The following EHBP1 variants were observed in gnomAD, a reference collection of about 807,000 sequenced individuals.
EHBP1 encodes EH domain-binding protein 1.
In EHBP1, 55 loss-of-function variants were observed where a neutral mutation model predicts 144.0. The ratio of observed to expected loss-of-function variants is 0.38; its 90% CI spans 0.31 to 0.48. EHBP1 has a LOEUF of 0.48. Ranked by LOEUF, EHBP1 falls within the 20% of genes least tolerant of loss-of-function variation. EHBP1 has a pLI of 0.98. For missense variants in EHBP1, 1,200 were observed against 1,364.2 expected, an observed-to-expected ratio of 0.88 and a Z score of 1.90; for synonymous variants, 469 against 472.7, an observed-to-expected ratio of 0.99 and a Z score of 0.10.
intron 14 of EHBP1, among the ~76,000 whole-genome samples, chr2:62,962,784 G>A (rs1378796896): frequency 6.6e-6 from 1 of 152,192 alleles, no homozygotes; most frequent in African/African-American, 2.4e-5. Flanking sequence ...TGTTTAAGCA[G>A]TAATTACGTA....
chr2:63,043,540 C>T (rs1165181542), intron 21 of EHBP1, among the ~76,000 whole-genome samples: 1 of 152,114 alleles, frequency 6.6e-6, no homozygotes, highest in East Asian at 1.9e-4. Flanking sequence ...AACAGTCTAG[C>T]TTTTTGCTGC....
chr2:62,915,048 A>T (rs2054502705), intron 10 of EHBP1, among the ~76,000 whole-genome samples: 1 of 152,000 alleles, frequency 6.6e-6, no homozygotes, highest in Non-Finnish European at 1.5e-5. Flanking sequence ...AATATCTAAA[A>T]ATGTGCCTTC....
intron 2 of EHBP1, among the ~76,000 whole-genome samples, chr2:62,730,950 GAGAA>G (rs1014056425): frequency 2.0e-5 from 3 of 149,172 alleles, no homozygotes; most frequent in Admixed American, 1.3e-4. Flanking sequence ...GAAAGACAGA[GAGAA>G]AGATACTTGT....
intron 14 of EHBP1, among the ~76,000 whole-genome samples, chr2:62,969,128 A>G (rs969607423): frequency 5.9e-5 from 9 of 152,218 alleles, no homozygotes; most frequent in Non-Finnish European, 8.8e-5. Context: ...TGTTAGTTCT[A>G]CTAATGCAAA....
intron 10 of EHBP1, among the ~76,000 whole-genome samples, chr2:62,942,085 A>G (rs2153073183): frequency 6.6e-6 from 1 of 152,264 alleles, no homozygotes; most frequent in South Asian, 2.1e-4. Flanking sequence ...ATAATTAGAA[A>G]GTATTTTGAG....
At chr2:62,855,503 G>A (rs778478641) in intron 7 of EHBP1, among the ~76,000 whole-genome samples, 1 of 152,124 alleles carries the variant, frequency 6.6e-6, no homozygotes, top group East Asian at 1.9e-4. Context: ...TTCAGGCCAG[G>A]GAGGGCCTGA....
At chr2:62,927,265 G>A (rs1207290082) in intron 10 of EHBP1, among the ~76,000 whole-genome samples, 1 of 152,020 alleles carries the variant, frequency 6.6e-6, no homozygotes, top group Non-Finnish European at 1.5e-5. Context: ...CAGCTAGATA[G>A]GATTACTCAA....
In EHBP1 at chr2:62,888,410, G is replaced by T. The variant is rs558917507; in HGVS notation, c.1185+13878G>T. On this transcript the variant is annotated intron_variant, in intron 10 of 22. Coordinates refer to ENST00000431489, the MANE Select transcript of EHBP1 (RefSeq NM_001142616.3). ...TTTTCTTTTTAACCCTGATTAGAAT[G>T]CTTGCCTTTTAAAACAAAATTTGTA... Among the ~76,000 whole-genome samples the T allele has an allele frequency of 6.6e-5, 10 of 152,294 alleles. No individual in the cohort carries two copies. The South Asian group carries it at 2.1e-3, about 32-fold the overall frequency.
At chr2:62,699,473 G>A (rs2034208512) in intron 1 of EHBP1, among the ~76,000 whole-genome samples, 2 of 152,210 alleles carry the variant, frequency 1.3e-5, no homozygotes, top group Admixed American at 1.3e-4. Context: ...TTTGCAATAT[G>A]TAAATTATCT....
At chr2:62,690,012 G>C (rs1486429645) in intron 1 of EHBP1, among the ~76,000 whole-genome samples, 2 of 152,202 alleles carry the variant, frequency 1.3e-5, no homozygotes, top group Non-Finnish European at 2.9e-5. Flanking sequence ...TAAGAGAACT[G>C]TGCTAAGTCC....
intron 19 of EHBP1, among the ~76,000 whole-genome samples, chr2:63,005,986 G>A (rs1408884756): frequency 1.3e-5 from 2 of 151,934 alleles, no homozygotes; most frequent in East Asian, 1.9e-4. Flanking sequence ...CTGAGTAGGG[G>A]TATAAGAGAA....
intron 2 of EHBP1, among the ~76,000 whole-genome samples, chr2:62,730,705 A>T (rs62177753): frequency 6.6e-6 from 1 of 151,404 alleles, no homozygotes; most frequent in African/African-American, 2.4e-5. Context: ...ACAGACAGAC[A>T]GACAGAGATA....
chr2:62,959,450 A>G (rs1401659868), intron 14 of EHBP1, among the ~76,000 whole-genome samples: 14 of 152,152 alleles, frequency 9.2e-5, no homozygotes, highest in Admixed American at 9.2e-4. Flanking sequence ...AGGCACCTTC[A>G]TATTGTTTTT....
intron 10 of EHBP1, among the ~76,000 whole-genome samples, chr2:62,907,323 A>G (rs1345803377): frequency 6.6e-6 from 1 of 152,144 alleles, no homozygotes; most frequent in Non-Finnish European, 1.5e-5. Context: ...TTTTTATTTT[A>G]GCTATTCTGA....
At chr2:62,854,653 G>A (rs2048906565) in intron 7 of EHBP1, among the ~76,000 whole-genome samples, 1 of 152,186 alleles carries the variant, frequency 6.6e-6, no homozygotes, top group African/African-American at 2.4e-5. Flanking sequence ...AAATGGGTGT[G>A]GTGCATTGCA....
intron 19 of EHBP1, among the ~76,000 whole-genome samples, chr2:62,997,721 T>G (rs969556387): frequency 1.3e-5 from 2 of 152,096 alleles, no homozygotes; most frequent in Non-Finnish European, 2.9e-5. Context: ...ATAAAAGAAC[T>G]TCTCCAAAAA....
chr2:62,878,653 T>C (rs114808889), intron 10 of EHBP1, among the ~76,000 whole-genome samples: 2,944 of 152,258 alleles, frequency 0.019, 105 homozygotes, highest in African/African-American at 0.067. Flanking sequence ...GATGTAAGGT[T>C]GGTTCAAAAT....
intron 10 of EHBP1, among the ~76,000 whole-genome samples, chr2:62,879,121 G>A (rs567893908): frequency 6.6e-6 from 1 of 151,842 alleles, no homozygotes; most frequent in East Asian, 1.9e-4. Flanking sequence ...TAACAAACTA[G>A]GTATTAAAGG....
chr2:62,908,943 T>G (rs1038867296), intron 10 of EHBP1, among the ~76,000 whole-genome samples: 22 of 152,240 alleles, frequency 1.4e-4, no homozygotes, highest in African/African-American at 5.3e-4. Flanking sequence ...TGGCACTTAG[T>G]AATGTCTTAA....
Sources: gnomAD v4.1 joint callset for allele counts (sites outside exome capture counted in the v4.1 genomes callset) on GRCh38, gnomAD v4.1.1 for gene constraint, MANE v1.5 for transcripts, NCBI Gene and HGNC (gene_info 2026-07-23, HGNC 2026-07-21) for gene names.